WIPI2: variants seen among roughly 807,000 people sequenced by gnomAD.
WIPI2 encodes the protein WD repeat domain phosphoinositide-interacting protein 2.
Under a neutral mutation model 52.3 loss-of-function variants are expected in WIPI2, and 28 were observed. The ratio of observed to expected loss-of-function variants is 0.54; its 90% CI spans 0.40 to 0.73. The LOEUF (loss-of-function observed/expected upper bound fraction) is 0.73. WIPI2 is among the 30% of genes least tolerant of loss of function. The pLI is 0.00. For synonymous variants in WIPI2, 268 were observed against 245.0 expected (o/e 1.09, Z -0.88); for missense variants, 506 against 602.9 (o/e 0.84, Z 1.68).
chr7:5,193,402 G>C, intron 2 of WIPI2: 1 of 1,248,436 alleles, frequency 8.0e-7, no homozygotes, highest in Non-Finnish European at 1.0e-6. Context: ...ATGGAATGAA[G>C]AAAGGGACTT....
chr7:5,216,964 C>G (rs1255164821), intron 5 of WIPI2, 126 bp from the exon 6 acceptor site: 1 of 1,042,844 alleles, frequency 9.6e-7, no homozygotes, highest in Non-Finnish European at 1.4e-6. Flanking sequence ...ACACAGCAAA[C>G]AAGATTGTAT....
In WIPI2 at chr7:5,231,907, G is replaced by T. The variant is rs1202480281; in HGVS notation, c.*960G>T. The stretch of plus-strand genomic sequence containing the variant: ...GGTCGTAGCGGGAGACAGCAACAGA[G>T]AGTAGGCGGCTGGGCCACGTCCTTC... On this transcript the variant is annotated 3_prime_UTR_variant, in exon 13 of 13. Coordinates refer to ENST00000288828, the MANE Select transcript of WIPI2 (RefSeq NM_015610.4). 1.3e-5 allele frequency: 4 copies of T among 309,370 alleles called. No homozygotes were observed. Among genetic ancestry groups the T allele is most frequent in the South Asian group, 3.2e-4 (2 of 6,254 alleles). The allele number at this position is 309,370 out of a possible 1,614,324, so 19.2% of individuals were successfully genotyped here.
intron 3 of WIPI2, 48 bp from the exon 4 acceptor site, chr7:5,214,487 A>G: frequency 1.2e-6 from 2 of 1,614,142 alleles, no homozygotes; most frequent in South Asian, 1.1e-5. Context: ...GCCTGTGGCC[A>G]TAGCCATGTG....
intron 4 of WIPI2, 107 bp downstream of exon 4, chr7:5,214,811 C>T: frequency 1.5e-6 from 2 of 1,305,522 alleles, no homozygotes; most frequent in South Asian, 1.3e-5. Context: ...TGCTGCCTGG[C>T]CCCACGTTGC....
chr7:5,191,421 C>T (rs772974830), intron 1 of WIPI2, among the ~76,000 whole-genome samples: 1 of 152,276 alleles, frequency 6.6e-6, no homozygotes, highest in Middle Eastern at 3.4e-3. Flanking sequence ...AGAAACTGAG[C>T]CAAGAGAGGC....
At chr7:5,205,555 T>TCC (rs936553929) in intron 3 of WIPI2, among the ~76,000 whole-genome samples, 1 of 152,066 alleles carries the variant, frequency 6.6e-6, no homozygotes, top group African/African-American at 2.4e-5. Flanking sequence ...GCTGCCCATG[T>TCC]CCCCACAGGA....
chr7:5,190,439 G>C lies in WIPI2; in HGVS notation c.20G>C (p.Ser7Thr), dbSNP rs1781417776. 3.4e-6 allele frequency: 5 copies of C among 1,485,010 alleles called. No individual in the cohort carries two copies. The highest frequency in any genetic ancestry group is 4.5e-6 in the Non-Finnish European group (5 of 1,115,226). 92.0% of individuals were successfully genotyped at this position (1,485,010 alleles called of 1,614,324 possible). A position where few individuals can be genotyped will look rare whatever the true frequency, so the allele number is the denominator to read the frequency against. Residue 7 changes from serine to threonine, a missense_variant, in exon 1 of 13, where the codon AGC becomes ACC. This residue lies in a region of WIPI2 where 15 missense variants were observed against 31.3 expected (regional missense o/e 0.48). Coordinates refer to ENST00000288828, the MANE Select transcript of WIPI2 (RefSeq NM_015610.4). MNLASQ[S>T]GEAGAGQLLF... ...CCAGCCATGAACCTGGCGAGCCAGA[G>C]CGGGGAGGCCGGCGCCGGCCAGCTG...
rs747297630 is a variant in WIPI2, at chr7:5,233,167, A to G, written c.*2220A>G. The G allele has an allele frequency of 2.0e-5, 3 of 152,306 alleles. No homozygotes were observed. Among genetic ancestry groups the G allele is most frequent in the Non-Finnish European group, 4.4e-5 (3 of 68,114 alleles). The allele number at this position is 152,306 out of a possible 1,614,324, so 9.4% of individuals were successfully genotyped here. On this transcript the variant is annotated 3_prime_UTR_variant, in exon 13 of 13. Transcript: ENST00000288828. ...GACTGCAGATTCTTGGTCGAGAAGA[A>G]TGAAGAGGATTTCTGTGTTTGCTGA...
chr7:5,233,561 CCTT>C lies in WIPI2; in HGVS notation c.*2617_*2619del, dbSNP rs1344764710. The stretch of plus-strand genomic sequence containing the variant: ...GGGCTCAGTGGACTCTGGGACCAAA[CCTT>C]CTGTAATCTCTAAAACAATGGGACC... On this transcript the variant is annotated 3_prime_UTR_variant, in exon 13 of 13. Coordinates refer to ENST00000288828, the MANE Select transcript of WIPI2 (RefSeq NM_015610.4). 2 of 152,612 alleles carry C rather than the reference CCTT, an allele frequency of 1.3e-5. No homozygotes were observed. Among genetic ancestry groups the C allele is most frequent in the Non-Finnish European group, 2.9e-5 (2 of 68,058 alleles). The allele number at this position is 152,612 out of a possible 1,614,324, so 9.5% of individuals were successfully genotyped here.
intron 2 of WIPI2, among the ~76,000 whole-genome samples, chr7:5,193,706 A>T (rs1039901338): frequency 4.6e-5 from 7 of 151,786 alleles, no homozygotes; most frequent in African/African-American, 1.7e-4. Flanking sequence ...CTCCCGAGAA[A>T]CCGGGACTAC....
At chr7:5,217,301 T>TTTTG (rs770513661) in intron 6 of WIPI2, 114 bp downstream of exon 6, 44 of 1,104,740 alleles carry the variant, frequency 4.0e-5, no homozygotes, top group East Asian at 5.1e-5. Context: ...CGCTGCACTT[T>TTTTG]TTTGTTTGTT....
Position 5,214,651 on chromosome 7 carries a change from A to C in WIPI2, c.328A>C (p.Ile110Leu). ...TTGCCACTTTAAGAAGGGAACTGAG[A>C]TCTGCAACTACAGCTACTCCAACAC... ...KVCHFKKGTE[I>L]CNYSYSNTIL... is the part of the protein sequence containing the mutation. Residue 110 changes from isoleucine (I) to leucine (L), a missense_variant, in exon 4 of 13, where the codon ATC becomes CTC. Around this residue, in one of 4 missense-constraint regions of WIPI2, gnomAD observed 237 missense variants for 346.9 expected, o/e 0.68. Transcript: ENST00000288828. 6.2e-7 allele frequency: 1 copy of C among 1,614,238 alleles called. No individual in the cohort carries two copies.
chr7:5,210,690 T>C (rs1294166125), intron 3 of WIPI2, among the ~76,000 whole-genome samples: 1 of 152,188 alleles, frequency 6.6e-6, no homozygotes, highest in Non-Finnish European at 1.5e-5. Flanking sequence ...TGAAAAAAAA[T>C]AAAAATACAG....
chr7:5,217,175 T>C lies in WIPI2; in HGVS notation c.564T>C (p.Asp188=). ...CCATCGGAGAGGTGCAGGTCTTCGA[T>C]ACCATTAATTTGGTGAGATGCCTTT... ...SATIGEVQVF[D]TINLRAANMI... is the part of the protein sequence containing the mutation. The change falls in exon 6 of 13, where the codon GAT becomes GAC. Residue 188 remains aspartate (D), a synonymous_variant. Transcript: ENST00000288828. 1 of 1,614,186 alleles carries C rather than the reference T, an allele frequency of 6.2e-7. No homozygotes were observed. Among genetic ancestry groups the C allele is most frequent in the South Asian group, 1.1e-5 (1 of 91,080 alleles).
In WIPI2 at chr7:5,190,359, G is replaced by A; in HGVS notation, c.-61G>A. 8.0e-7 allele frequency: 1 copy of A among 1,250,320 alleles called. No homozygotes were observed. Among genetic ancestry groups the A allele is most frequent in the Non-Finnish European group, 1.0e-6 (1 of 979,450 alleles). 77.5% of individuals were successfully genotyped at this position (1,250,320 alleles called of 1,614,324 possible). On this transcript the variant is annotated 5_prime_UTR_variant, in exon 1 of 13. Coordinates refer to ENST00000288828, the MANE Select transcript of WIPI2 (RefSeq NM_015610.4). ...GGGCCCGGCGCCGACCCTGAGTGCAGCCTGACCCGCCCTCGCGCGCGCGCC... is the reference window on the plus strand; with the variant it reads ...GGGCCCGGCGCCGACCCTGAGTGCAACCTGACCCGCCCTCGCGCGCGCGCC...
chr7:5,228,022 C>G (rs555529474), intron 10 of WIPI2, 82 bp from the exon 11 acceptor site: 2 of 1,370,822 alleles, frequency 1.5e-6, no homozygotes, highest in African/African-American at 2.9e-5. Context: ...TCTTTCCTCG[C>G]CTGCCAAAAG....
intron 10 of WIPI2, 22 bp from the exon 11 acceptor site, chr7:5,228,082 G>C (rs1315312850): frequency 6.2e-7 from 1 of 1,610,592 alleles, no homozygotes; most frequent in Admixed American, 1.7e-5. Flanking sequence ...TCTAGAATTT[G>C]GCTGCTCTTT....
At chr7:5,198,587 T>TA (rs1781866280) in intron 2 of WIPI2, among the ~76,000 whole-genome samples, 1 of 152,314 alleles carries the variant, frequency 6.6e-6, no homozygotes, top group South Asian at 2.1e-4. Flanking sequence ...GTGCTGGGAT[T>TA]ATAGGCATGA....
chr7:5,232,055 TAAAAC>T lies in WIPI2; in HGVS notation c.*1111_*1115del, dbSNP rs1404155118. ...CCTTCCCTTTTCATATTTACAGAAT[TAAAAC>T]AACCTCAAGTACCTCAGACTCTGCA... On this transcript the variant is annotated 3_prime_UTR_variant, in exon 13 of 13. Transcript: ENST00000288828. The T allele has an allele frequency of 5.0e-6, 2 of 397,896 alleles. No individual in the cohort carries two copies. Among genetic ancestry groups the T allele is most frequent in the East Asian group, 7.1e-5 (2 of 28,078 alleles). The allele number at this position is 397,896 out of a possible 1,614,324, so 24.6% of individuals were successfully genotyped here. A position where few individuals can be genotyped will look rare whatever the true frequency, so the allele number is the denominator to read the frequency against.
Sources: gnomAD v4.1 joint callset for allele counts (sites outside exome capture counted in the v4.1 genomes callset) on GRCh38, gnomAD v4.1.1 for gene constraint, gnomAD v4.1.1 regional missense constraint, MANE v1.5 for transcripts, NCBI Gene and HGNC (gene_info 2026-07-23, HGNC 2026-07-21) for gene names.